ZNF638: variants seen among roughly 807,000 people sequenced by gnomAD.
ZNF638 encodes the protein zinc finger protein 638, also known as CTCL tumor antigen se33-1.
Under a neutral mutation model 195.6 loss-of-function variants are expected in ZNF638, and 46 were observed. That is an observed-to-expected ratio of 0.24 (90% CI 0.19 to 0.30). The LOEUF (loss-of-function observed/expected upper bound fraction) is 0.30. ZNF638 is among the 10% of genes least tolerant of loss of function. The pLI, the probability that ZNF638 is intolerant of heterozygous loss-of-function variation, is 1.00. For missense variants in ZNF638, 2,440 were observed against 2,325.3 expected, an observed-to-expected ratio of 1.05 and a Z score of -1.01; for synonymous variants, 845 against 772.0, an observed-to-expected ratio of 1.09 and a Z score of -1.57.
chr2:71,369,509 A>G (rs532353572), intron 7 of ZNF638, among the ~76,000 whole-genome samples: 1 of 152,202 alleles, frequency 6.6e-6, no homozygotes, highest in South Asian at 2.1e-4. Flanking sequence ...AGGACAGGGA[A>G]CATAGTGATA....
At chr2:71,392,891 A>G (rs1238327951) in intron 10 of ZNF638, among the ~76,000 whole-genome samples, 1 of 152,214 alleles carries the variant, frequency 6.6e-6, no homozygotes, top group African/African-American at 2.4e-5. Flanking sequence ...AGATATGTAC[A>G]TGTATCCATT....
chr2:71,398,924 G>A, intron 12 of ZNF638, 152 bp downstream of exon 12: 2 of 651,228 alleles, frequency 3.1e-6, no homozygotes, highest in Admixed American at 3.0e-5. Context: ...TTTTATCTTT[G>A]GCAGATAGGC....
chr2:71,351,741 GTA>G (rs1481279320), intron 2 of ZNF638, among the ~76,000 whole-genome samples: 2 of 152,190 alleles, frequency 1.3e-5, no homozygotes, highest in African/African-American at 4.8e-5. Context: ...GAGGAACTGT[GTA>G]AAATTTTAGA....
At chr2:71,433,032 A>G in intron 26 of ZNF638, 133 bp from the exon 27 acceptor site, 2 of 712,446 alleles carry the variant, frequency 2.8e-6, no homozygotes, top group South Asian at 1.7e-5. Flanking sequence ...GGTTGCAGTG[A>G]GCTGACATCG....
chr2:71,368,546 T>C lies in ZNF638; in HGVS notation c.2142+18T>C. Reference sequence around the variant, plus strand: ...GAAAAGAGGTGAGTCATTTAGTCTGTGGCAAAAATTCATACAAAGTGATTG... The same window carrying C: ...GAAAAGAGGTGAGTCATTTAGTCTGCGGCAAAAATTCATACAAAGTGATTG... On this transcript the variant is annotated intron_variant, in intron 7 of 27. Coordinates refer to ENST00000264447, the MANE Select transcript of ZNF638 (RefSeq NM_014497.5). 6.2e-7 allele frequency: 1 copy of C among 1,607,942 alleles called. No individual in the cohort carries two copies. The highest frequency in any genetic ancestry group is 8.5e-7 in the Non-Finnish European group (1 of 1,178,364).
In ZNF638 at chr2:71,433,197, T is replaced by C. The variant is rs1334085008; in HGVS notation, c.5785T>C (p.Phe1929Leu). 2 of 1,614,058 alleles carry C rather than the reference T, an allele frequency of 1.2e-6. No individual in the cohort carries two copies. The highest frequency in any genetic ancestry group is 1.7e-6 in the Non-Finnish European group (2 of 1,179,878). Residue 1929 changes from phenylalanine (F) to leucine (L), a missense_variant, in exon 27 of 28, where the codon TTC becomes CTC. By Grantham distance (22) the Phe-to-Leu change is conservative (BLOSUM62 0). Coordinates refer to ENST00000264447, the MANE Select transcript of ZNF638 (RefSeq NM_014497.5). ...CTTTCTTGTACCTAAGGCTGGATTC[T>C]TCTGTCCAATTTGTTCCCTCTTCTA... Reference protein sequence around the residue: ...LDFLVPKAGFFCPICSLFYSG... With the variant: ...LDFLVPKAGFLCPICSLFYSG...
At chr2:71,426,397 A>G (rs1032563133) in intron 23 of ZNF638, 63 bp from the exon 24 acceptor site, 2 of 1,194,576 alleles carry the variant, frequency 1.7e-6, no homozygotes, top group Middle Eastern at 2.4e-4. Flanking sequence ...TATTGTGACT[A>G]TTTGGAATCT....
At chr2:71,398,056 C>T (rs1360131231) in intron 11 of ZNF638, among the ~76,000 whole-genome samples, 1 of 152,024 alleles carries the variant, frequency 6.6e-6, no homozygotes, top group Non-Finnish European at 1.5e-5. Context: ...GTTTTTGTGT[C>T]CTTGGAATTA....
chr2:71,333,980 A>G (rs2078618932), intron 1 of ZNF638, among the ~76,000 whole-genome samples: 1 of 152,216 alleles, frequency 6.6e-6, no homozygotes, highest in African/African-American at 2.4e-5. Flanking sequence ...GCTTAAAAGG[A>G]TTTAGAGTAA....
At chr2:71,365,807 T>TGC in intron 6 of ZNF638, 101 bp downstream of exon 6, 2 of 1,144,626 alleles carry the variant, frequency 1.7e-6, no homozygotes, top group Non-Finnish European at 2.4e-6. Context: ...GCAGCCTCGA[T>TGC]CTCCTGGGCT....
intron 7 of ZNF638, among the ~76,000 whole-genome samples, chr2:71,369,610 C>T (rs1271459440): frequency 2.0e-5 from 3 of 152,126 alleles, no homozygotes; most frequent in Non-Finnish European, 4.4e-5. Context: ...TCAGTGAGCC[C>T]TGCCTTCTCA....
At chr2:71,408,000 T>A in intron 19 of ZNF638, 122 bp from the exon 20 acceptor site, 1 of 872,684 alleles carries the variant, frequency 1.1e-6, no homozygotes, top group South Asian at 2.0e-5. Context: ...CAAATACATG[T>A]TTAAGTATCG....
At chr2:71,418,683 T>C (rs771254256) in intron 21 of ZNF638, 44 bp downstream of exon 21, 3 of 1,384,060 alleles carry the variant, frequency 2.2e-6, no homozygotes, top group East Asian at 5.0e-5. Context: ...TAGTATTTAG[T>C]TTCTGAATTT....
intron 19 of ZNF638, 107 bp downstream of exon 19, chr2:71,406,369 T>C: frequency 1.0e-6 from 1 of 968,888 alleles, no homozygotes; most frequent in Non-Finnish European, 1.5e-6. Flanking sequence ...TAAATATTAC[T>C]CAACCACTTC....
intron 3 of ZNF638, among the ~76,000 whole-genome samples, chr2:71,362,115 A>G (rs1207510117): frequency 1.3e-5 from 2 of 152,194 alleles, no homozygotes; most frequent in Non-Finnish European, 2.9e-5. Context: ...GTTGAGAGTG[A>G]AGATACAGCC....
rs191912191 is a variant in ZNF638 at position 71,369,455 on chromosome 2, A to G, written c.2143-428A>G. On this transcript the variant is annotated intron_variant, in intron 7 of 27. Coordinates refer to ENST00000264447, the MANE Select transcript of ZNF638 (RefSeq NM_014497.5). ...GGAGTTCAAGACCAGCCTGGGCAAC[A>G]TAGCAAGACCTCTGTCTTAATTTTT... 5.3e-3 allele frequency among the ~76,000 whole-genome samples: 807 copies of G among 152,304 alleles called. 12 individuals carry two copies. The highest frequency in any genetic ancestry group is 0.044 in the Middle Eastern group (13 of 294).
chr2:71,410,980 A>ACC (rs1215256972), intron 20 of ZNF638, among the ~76,000 whole-genome samples: 87 of 42,570 alleles, frequency 2.0e-3, no homozygotes, highest in African/African-American at 4.0e-3. Flanking sequence ...CCCACCCACC[A>ACC]CCTCCCCCCC....
At chr2:71,406,313 TAAC>T in intron 19 of ZNF638, 51 bp downstream of exon 19, 2 of 1,530,358 alleles carry the variant, frequency 1.3e-6, no homozygotes, top group Non-Finnish European at 1.8e-6. Context: ...GAATGTATAA[TAAC>T]CCTGTATTCT....
At chr2:71,393,724 C>T in intron 10 of ZNF638, 1 of 662,686 alleles carries the variant, frequency 1.5e-6, no homozygotes, top group Non-Finnish European at 2.8e-6. Flanking sequence ...CTATTGGGCT[C>T]ATCTGTTAGA....
Sources: gnomAD v4.1 joint callset for allele counts (sites outside exome capture counted in the v4.1 genomes callset) on GRCh38, gnomAD v4.1.1 for gene constraint, MANE v1.5 for transcripts, NCBI Gene and HGNC (gene_info 2026-07-23, HGNC 2026-07-21) for gene names.